LDLRAD4: variants seen among roughly 807,000 people sequenced by gnomAD.
LDLRAD4 encodes the protein low density lipoprotein receptor class A domain containing 4.
LDLRAD4 carries 5 observed loss-of-function variants against 17.0 expected under a neutral mutation model. The ratio of observed to expected loss-of-function variants is 0.29; its 90% CI spans 0.15 to 0.62. The LOEUF is 0.62. LDLRAD4 is among the 20% of genes least tolerant of loss of function. LDLRAD4 has a pLI of 0.84. For synonymous variants in LDLRAD4, 168 were observed against 171.8 expected (o/e 0.98, Z 0.17); for missense variants, 340 against 424.7 (o/e 0.80, Z 1.75).
At chr18:13,431,160 C>G (rs2146035197) in intron 2 of LDLRAD4, among the ~76,000 whole-genome samples, 1 of 152,236 alleles carries the variant, frequency 6.6e-6, no homozygotes, top group South Asian at 2.1e-4. Flanking sequence ...CCACAAGAAA[C>G]TTGAAAGTTA....
At chr18:13,650,967 G>T (rs1389188363) in exon 6 of LDLRAD4, 1 of 152,198 alleles carries the variant, frequency 6.6e-6, no homozygotes, top group Non-Finnish European at 1.5e-5. Flanking sequence ...ACACTTTAAA[G>T]AAAATACTTT....
chr18:13,555,818 A>G (rs574390597), intron 3 of LDLRAD4, among the ~76,000 whole-genome samples: 1 of 152,320 alleles, frequency 6.6e-6, no homozygotes, highest in Non-Finnish European at 1.5e-5. Context: ...AATAATTGGG[A>G]CTTCTTGGAT....
At chr18:13,439,169 TC>T (rs1416604046) in intron 3 of LDLRAD4, among the ~76,000 whole-genome samples, 1 of 152,182 alleles carries the variant, frequency 6.6e-6, no homozygotes, top group African/African-American at 2.4e-5. Flanking sequence ...TGAGCTTCTC[TC>T]CCCAGTTTTA....
intron 1 of LDLRAD4, among the ~76,000 whole-genome samples, chr18:13,368,092 A>G (rs1353535839): frequency 6.6e-6 from 1 of 152,116 alleles, no homozygotes. Flanking sequence ...AGACCTGGGT[A>G]TATCTGGGGG....
intron 1 of LDLRAD4, among the ~76,000 whole-genome samples, chr18:13,286,371 T>C (rs940862147): frequency 1.3e-5 from 2 of 152,118 alleles, no homozygotes; most frequent in African/African-American, 2.4e-5. Flanking sequence ...CTATAGAGTT[T>C]TGTTATTTAT....
intron 1 of LDLRAD4, among the ~76,000 whole-genome samples, chr18:13,247,214 C>CT (rs1451392211): frequency 6.6e-5 from 10 of 152,134 alleles, no homozygotes; most frequent in Non-Finnish European, 8.8e-5. Flanking sequence ...TAAGCCACCA[C>CT]TTTTTTACAA....
At chr18:13,337,211 G>T (rs1017269422) in intron 1 of LDLRAD4, among the ~76,000 whole-genome samples, 1 of 152,198 alleles carries the variant, frequency 6.6e-6, no homozygotes, top group Admixed American at 6.5e-5. Flanking sequence ...GAGGGCTTCA[G>T]TCCCATTCGC....
Position 13,642,976 on chromosome 18 carries a change from C to G in LDLRAD4, c.337-383C>G, listed in dbSNP as rs556221454. On this transcript the variant is annotated intron_variant, in intron 4 of 5. Coordinates refer to ENST00000359446, the Ensembl canonical transcript of LDLRAD4. Reference sequence around the variant, plus strand: ...TTTGATACGGAGTCTCACTCTGTCGCCCAGGCTGGAGTGCAGTGGCAAGAT... The same window carrying G: ...TTTGATACGGAGTCTCACTCTGTCGGCCAGGCTGGAGTGCAGTGGCAAGAT... Among the ~76,000 whole-genome samples, 7 of 150,704 alleles carry G rather than the reference C, an allele frequency of 4.6e-5. 1 individual carries two copies. The South Asian group carries it at 1.5e-3, about 32-fold the overall frequency.
At chr18:13,601,518 G>C (rs1265631147) in intron 3 of LDLRAD4, among the ~76,000 whole-genome samples, 2 of 152,076 alleles carry the variant, frequency 1.3e-5, no homozygotes, top group Non-Finnish European at 2.9e-5. Context: ...TCCGGGCATG[G>C]TGGCGGGCGC....
intron 3 of LDLRAD4, among the ~76,000 whole-genome samples, chr18:13,441,834 C>CT (rs1366672900): frequency 6.6e-6 from 1 of 152,192 alleles, no homozygotes; most frequent in Non-Finnish European, 1.5e-5. Flanking sequence ...TTTCATCTGC[C>CT]TTTTGCCTCT....
At chr18:13,648,367 G>GACTC (rs796369723) in exon 6 of LDLRAD4, 19 of 152,328 alleles carry the variant, frequency 1.2e-4, no homozygotes, top group African/African-American at 4.6e-4. Context: ...GTTATTTAAA[G>GACTC]ACTCATACAT....
chr18:13,371,709 G>A (rs1348696250), intron 1 of LDLRAD4, among the ~76,000 whole-genome samples: 1 of 150,516 alleles, frequency 6.6e-6, no homozygotes, highest in African/African-American at 2.4e-5. Flanking sequence ...AGGTTGCAGT[G>A]AGCCGAGATC....
chr18:13,500,902 A>G (rs774394165), intron 3 of LDLRAD4: 8 of 152,222 alleles, frequency 5.3e-5, no homozygotes, highest in Non-Finnish European at 8.8e-5. Flanking sequence ...ACCATTGGCA[A>G]TCTGACCCAT....
intron 3 of LDLRAD4, among the ~76,000 whole-genome samples, chr18:13,603,111 T>G (rs1848336479): frequency 1.3e-5 from 2 of 152,202 alleles, no homozygotes; most frequent in Admixed American, 6.5e-5. Flanking sequence ...AAGCAGAAAC[T>G]TCGTCTTTTT....
intron 3 of LDLRAD4, among the ~76,000 whole-genome samples, chr18:13,577,471 G>A (rs564702965): frequency 3.0e-4 from 45 of 152,250 alleles, no homozygotes; most frequent in African/African-American, 1.0e-3. Context: ...AGAAATGTGG[G>A]CAGAGTGAGT....
chr18:13,630,182 G>C (rs1367499971), intron 4 of LDLRAD4, among the ~76,000 whole-genome samples: 1 of 152,164 alleles, frequency 6.6e-6, no homozygotes, highest in Non-Finnish European at 1.5e-5. Context: ...TCTTCCAGCA[G>C]ACCTTCCTAG....
chr18:13,394,564 G>A (rs2086512072), intron 2 of LDLRAD4, among the ~76,000 whole-genome samples: 1 of 152,196 alleles, frequency 6.6e-6, no homozygotes, highest in Non-Finnish European at 1.5e-5. Context: ...TGACAGATGA[G>A]TTTGTTTGCT....
chr18:13,502,027 G>A (rs916310022), intron 3 of LDLRAD4, among the ~76,000 whole-genome samples: 2 of 152,240 alleles, frequency 1.3e-5, no homozygotes, highest in Non-Finnish European at 2.9e-5. Context: ...TAGGCAAATT[G>A]AGGGGAGAAA....
In LDLRAD4 at chr18:13,475,757, G is replaced by A. The variant is rs150660753; in HGVS notation, c.181+37373G>A. On this transcript the variant is annotated intron_variant, in intron 3 of 5. Transcript: ENST00000359446. The stretch of plus-strand genomic sequence containing the variant: ...AACAGCTAGCTCACAATAAGCAGCC[G>A]TGCATGACTCCATGCTAAACTGTGT... Among the ~76,000 whole-genome samples the A allele has an allele frequency of 2.9e-4, 44 of 152,270 alleles. No homozygotes were observed. In the East Asian group the frequency reaches 7.5e-3, roughly 26 times the overall value.
Sources: allele counts gnomAD v4.1 joint callset (sites outside exome capture counted in the v4.1 genomes callset), GRCh38; gene constraint gnomAD v4.1.1; transcripts MANE v1.5; gene names NCBI Gene and HGNC (gene_info 2026-07-23, HGNC 2026-07-21).